PRKG1: variants seen among roughly 807,000 people sequenced by gnomAD.
The protein encoded by PRKG1 is protein kinase cGMP-dependent 1, also known as cGMP-dependent protein kinase 1.
In PRKG1, 35 loss-of-function variants were observed where a neutral mutation model predicts 88.1. The ratio of observed to expected loss-of-function variants is 0.40; its 90% CI spans 0.30 to 0.53. The LOEUF (loss-of-function observed/expected upper bound fraction) is 0.53. PRKG1 is among the 20% of genes least tolerant of loss of function. The pLI, the probability that PRKG1 is intolerant of heterozygous loss-of-function variation, is 0.59. For synonymous variants in PRKG1, 303 were observed against 292.5 expected, an observed-to-expected ratio of 1.04 and a Z score of -0.37; for missense variants, 540 against 839.8, an observed-to-expected ratio of 0.64 and a Z score of 4.41.
intron 2 of PRKG1, among the ~76,000 whole-genome samples, chr10:51,239,187 C>T (rs1349887786): frequency 2.0e-5 from 3 of 152,106 alleles, no homozygotes; most frequent in Admixed American, 2.0e-4. Flanking sequence ...CCTTCTCTAA[C>T]CTTGCAAAAA....
chr10:51,232,486 C>T (rs773404777), intron 2 of PRKG1, among the ~76,000 whole-genome samples: 4 of 151,994 alleles, frequency 2.6e-5, no homozygotes, highest in East Asian at 3.9e-4. Context: ...AATGGATATG[C>T]GATGTGTGTT....
chr10:51,051,563 C>T (rs990063726), intron 1 of PRKG1, among the ~76,000 whole-genome samples: 99 of 152,084 alleles, frequency 6.5e-4, no homozygotes, highest in African/African-American at 2.3e-3. Flanking sequence ...CTGACTTCTC[C>T]AAAGTAATTC....
At chr10:51,668,082 T>G (rs1387761513) in intron 3 of PRKG1, among the ~76,000 whole-genome samples, 4 of 152,186 alleles carry the variant, frequency 2.6e-5, no homozygotes, top group African/African-American at 9.7e-5. Flanking sequence ...TTTTCTTGCT[T>G]GTAACTATTG....
At chr10:51,523,006 C>G (rs770069165) in intron 3 of PRKG1, among the ~76,000 whole-genome samples, 11 of 152,114 alleles carry the variant, frequency 7.2e-5, no homozygotes, top group Non-Finnish European at 1.2e-4. Context: ...AAACAATGTC[C>G]TTATTGTGAA....
At chr10:52,287,233 C>G (rs963042329) in intron 14 of PRKG1, among the ~76,000 whole-genome samples, 2 of 151,802 alleles carry the variant, frequency 1.3e-5, no homozygotes, top group Non-Finnish European at 2.9e-5. Flanking sequence ...ATCATAGAAT[C>G]AACTAAAGAT....
chr10:51,468,783 A>G (rs1839972859), intron 3 of PRKG1, among the ~76,000 whole-genome samples: 1 of 151,880 alleles, frequency 6.6e-6, no homozygotes, highest in Admixed American at 6.6e-5. Context: ...GATCTCGTTG[A>G]CTACTTTTTG....
chr10:51,205,919 G>A (rs570451671), intron 2 of PRKG1, among the ~76,000 whole-genome samples: 15 of 152,232 alleles, frequency 9.9e-5, no homozygotes, highest in African/African-American at 3.6e-4. Context: ...ATACTTGTAA[G>A]GGTATACTAA....
intron 9 of PRKG1, among the ~76,000 whole-genome samples, chr10:52,206,740 G>A (rs963483917): frequency 1.3e-5 from 2 of 152,176 alleles, no homozygotes; most frequent in African/African-American, 4.8e-5. Context: ...GGCTGGTACT[G>A]GGCCCCAGTT....
Position 51,160,254 on chromosome 10 carries a change from A to G in PRKG1, c.478+6924A>G, listed in dbSNP as rs909002835. ...ACTTATATAAATCTAATAATTTTGC[A>G]CGTATTCTTCTACCACTTGTTTTTG... is the stretch of plus-strand genomic sequence containing the variant. On this transcript the variant is annotated intron_variant, in intron 2 of 17. Transcript: ENST00000373980. Among the ~76,000 whole-genome samples the G allele has an allele frequency of 3.3e-5, 5 of 152,174 alleles. No individual in the cohort carries two copies. The South Asian group carries it at 8.3e-4, about 25-fold the overall frequency.
rs564807519 is a variant in PRKG1, at chr10:51,466,969, T to A, written c.479-754T>A. On this transcript the variant is annotated intron_variant, in intron 2 of 17. Coordinates refer to ENST00000373980, the MANE Select transcript of PRKG1 (RefSeq NM_006258.4). ...ATCTTGATTGTGTTAGGCCATGAAA[T>A]TCTTAGTCTACATAGGTATGACTTT... Among the ~76,000 whole-genome samples, 266 of 152,188 alleles carry A rather than the reference T, an allele frequency of 1.7e-3. 2 individuals carry two copies. Among genetic ancestry groups the A allele is most frequent in the Admixed American group, 3.9e-3 (60 of 15,294 alleles).
At chr10:51,101,006 G>A (rs1441832341) in intron 1 of PRKG1, among the ~76,000 whole-genome samples, 1 of 152,170 alleles carries the variant, frequency 6.6e-6, no homozygotes, top group Non-Finnish European at 1.5e-5. Context: ...CACCAAGGGA[G>A]TCTCTTCTGG....
chr10:51,171,531 T>C (rs1015503812), intron 2 of PRKG1, among the ~76,000 whole-genome samples: 7 of 152,090 alleles, frequency 4.6e-5, no homozygotes, highest in Middle Eastern at 3.2e-3. Context: ...TTGTTGATAT[T>C]TATCCTATGG....
chr10:52,150,144 T>G (rs1332696238), intron 8 of PRKG1, among the ~76,000 whole-genome samples: 8 of 57,540 alleles, frequency 1.4e-4, no homozygotes, highest in African/African-American at 5.1e-4. Flanking sequence ...CAAGACTCCA[T>G]CTCAAAATAA....
intron 2 of PRKG1, among the ~76,000 whole-genome samples, chr10:51,187,803 C>A (rs1837531105): frequency 1.3e-5 from 2 of 151,988 alleles, no homozygotes; most frequent in Admixed American, 6.6e-5. Context: ...GGAATTCTCT[C>A]CTCTTTTATG....
At chr10:51,897,120 A>G (rs546323551) in intron 4 of PRKG1, among the ~76,000 whole-genome samples, 1 of 152,240 alleles carries the variant, frequency 6.6e-6, no homozygotes, top group Non-Finnish European at 1.5e-5. Flanking sequence ...CAAATCATCC[A>G]GTTAAGGGAG....
rs537719073 is a variant in PRKG1 at position 51,716,054 on chromosome 10, A to G, written c.593-88531A>G. ...ATGTCAAGCATCATAATGGTTCCAT[A>G]TTCTTTGCTTTGCAGCGTGATGGTC... is the stretch of plus-strand genomic sequence containing the variant. On this transcript the variant is annotated intron_variant, in intron 3 of 17. Transcript: ENST00000373980. 7.9e-5 allele frequency among the ~76,000 whole-genome samples: 12 copies of G among 152,288 alleles called. No homozygotes were observed. The East Asian group carries it at 1.5e-3, about 20-fold the overall frequency.
chr10:51,514,750 A>G (rs2132066717), intron 3 of PRKG1, among the ~76,000 whole-genome samples: 1 of 152,328 alleles, frequency 6.6e-6, no homozygotes, highest in East Asian at 1.9e-4. Flanking sequence ...GAGATGGTCA[A>G]GAGTTGTACA....
chr10:51,852,018 C>A (rs913169651), intron 4 of PRKG1, among the ~76,000 whole-genome samples: 1 of 151,794 alleles, frequency 6.6e-6, no homozygotes, highest in Non-Finnish European at 1.5e-5. Context: ...ATTTATGCAA[C>A]CATATCGGCA....
At chr10:51,623,390 C>T (rs1188476666) in intron 3 of PRKG1, among the ~76,000 whole-genome samples, 4 of 152,054 alleles carry the variant, frequency 2.6e-5, no homozygotes, top group East Asian at 1.9e-4. Context: ...TTTGTAGAGA[C>T]GGGATCTCCC....
Sources: allele counts gnomAD v4.1 joint callset (sites outside exome capture counted in the v4.1 genomes callset), GRCh38; gene constraint gnomAD v4.1.1; transcripts MANE v1.5; gene names NCBI Gene and HGNC (gene_info 2026-07-23, HGNC 2026-07-21).